OLA1: variants seen among roughly 807,000 people sequenced by gnomAD.
OLA1 encodes obg-like ATPase 1.
A neutral mutation model predicts 48.4 loss-of-function variants in OLA1; 14 were observed. That is an observed-to-expected ratio of 0.29 (90% CI 0.19 to 0.45). The LOEUF (loss-of-function observed/expected upper bound fraction) is 0.45. Among genes scored for constraint, OLA1 ranks in the 20% least tolerant of loss-of-function variants. The probability of loss-of-function intolerance (pLI) is 1.00; values close to 1 mark genes in which losing one functional copy is unlikely to be tolerated. For synonymous variants in OLA1, 127 were observed against 150.4 expected (o/e 0.84, Z 1.14); for missense variants, 325 against 467.1 (o/e 0.70, Z 2.80).
In OLA1 at chr2:174,075,255, G is replaced by C. The variant is rs974423286; in HGVS notation, c.*171C>G. ...ACATTTAGTGAACCTGCATTTCATGGGGGGGGGGGGGTACACAGTATTTTA... is the reference window on the plus strand; with the variant it reads ...ACATTTAGTGAACCTGCATTTCATGCGGGGGGGGGGGTACACAGTATTTTA... On this transcript the variant is annotated 3_prime_UTR_variant, in exon 11 of 11. Transcript: ENST00000284719. The C allele has an allele frequency of 2.7e-6, 1 of 377,038 alleles. No individual in the cohort carries two copies. The highest frequency in any genetic ancestry group is 2.7e-5 in the African/African-American group (1 of 37,084). The allele number at this position is 377,038 out of a possible 1,614,324, so 23.4% of individuals were successfully genotyped here. A position where few individuals can be genotyped will look rare whatever the true frequency, so the allele number is the denominator to read the frequency against.
At chr2:174,168,620 T>C (rs1311801382) in intron 4 of OLA1, among the ~76,000 whole-genome samples, 1 of 151,716 alleles carries the variant, frequency 6.6e-6, no homozygotes, top group Non-Finnish European at 1.5e-5. Context: ...AAAAGTAAAT[T>C]ATGCACACAA....
At chr2:174,220,252 C>T (rs1459644011) in intron 4 of OLA1, among the ~76,000 whole-genome samples, 1 of 152,166 alleles carries the variant, frequency 6.6e-6, no homozygotes, top group Non-Finnish European at 1.5e-5. Context: ...TACTCCTCAT[C>T]ATTCATTCTA....
At chr2:174,242,509 GA>G (rs886830992) in intron 2 of OLA1, among the ~76,000 whole-genome samples, 6 of 152,182 alleles carry the variant, frequency 3.9e-5, no homozygotes, top group African/African-American at 1.4e-4. Context: ...CCTAGCTCTA[GA>G]CCATGAGGAT....
chr2:174,189,478 GC>G (rs1687729128), intron 4 of OLA1, among the ~76,000 whole-genome samples: 1 of 152,050 alleles, frequency 6.6e-6, no homozygotes, highest in African/African-American at 2.4e-5. Flanking sequence ...TAAGGGACAA[GC>G]AACTTGAACA....
intron 1 of OLA1, chr2:174,247,719 GTACGGCTCAT>G (rs373831930): frequency 7.7e-6 from 12 of 1,551,010 alleles, no homozygotes; most frequent in Middle Eastern, 1.7e-4. Context: ...GGCACTGAAG[GTACGGCTCAT>G]CAGTCCTCAT....
Position 174,144,941 on chromosome 2 carries a change from A to T in OLA1, c.374-2941T>A, listed in dbSNP as rs1234550652. ...AGTAAGACCCTGTTTAAAAAAAAAAAAAAAAAAAAAATATATATATATATA... is the reference window on the plus strand; with the variant it reads ...AGTAAGACCCTGTTTAAAAAAAAAATAAAAAAAAAAATATATATATATATA... On this transcript the variant is annotated intron_variant, in intron 4 of 10. Transcript: ENST00000284719. Among the ~76,000 whole-genome samples the T allele has an allele frequency of 9.3e-4, 60 of 64,268 alleles. No homozygotes were observed. In the South Asian group the frequency reaches 9.5e-3, roughly 10 times the overall value. 42.2% of individuals were successfully genotyped at this position (64,268 alleles called of 152,430 possible).
At chr2:174,185,513 C>T (rs1574536043) in intron 4 of OLA1, among the ~76,000 whole-genome samples, 4 of 152,044 alleles carry the variant, frequency 2.6e-5, no homozygotes, top group African/African-American at 9.7e-5. Context: ...TTCCTATGAG[C>T]ATTTTTTTTT....
chr2:174,246,493 T>C (rs1207356657), intron 2 of OLA1, among the ~76,000 whole-genome samples: 1 of 152,162 alleles, frequency 6.6e-6, no homozygotes, highest in African/African-American at 2.4e-5. Context: ...GCCTACTGCA[T>C]GGCCTCTGGT....
At chr2:174,088,569 C>T (rs929993090) in intron 7 of OLA1, among the ~76,000 whole-genome samples, 1 of 152,168 alleles carries the variant, frequency 6.6e-6, no homozygotes, top group Non-Finnish European at 1.5e-5. Flanking sequence ...AAATTCAACA[C>T]ATCTTTACTT....
chr2:174,193,298 C>T (rs1451421651), intron 4 of OLA1, among the ~76,000 whole-genome samples: 1 of 152,078 alleles, frequency 6.6e-6, no homozygotes, highest in African/African-American at 2.4e-5. Flanking sequence ...CCATGTTGAC[C>T]AGGCTGGTCT....
intron 2 of OLA1, among the ~76,000 whole-genome samples, chr2:174,234,145 A>G (rs1348361028): frequency 6.6e-6 from 1 of 152,118 alleles, no homozygotes; most frequent in African/African-American, 2.4e-5. Flanking sequence ...CAACCCACTC[A>G]ACATGAAGAC....
chr2:174,088,747 A>G (rs1192215922), intron 7 of OLA1, among the ~76,000 whole-genome samples: 2 of 152,184 alleles, frequency 1.3e-5, no homozygotes, highest in Non-Finnish European at 2.9e-5. Context: ...TTGGTGGTTC[A>G]TGCCTATAAT....
At chr2:174,156,936 C>T (rs1686899251) in intron 4 of OLA1, among the ~76,000 whole-genome samples, 1 of 150,984 alleles carries the variant, frequency 6.6e-6, no homozygotes, top group Non-Finnish European at 1.5e-5. Context: ...GATCTAATAG[C>T]TTGGAGAGAG....
intron 3 of OLA1, among the ~76,000 whole-genome samples, chr2:174,227,526 A>G (rs909659988): frequency 2.6e-5 from 4 of 152,218 alleles, no homozygotes; most frequent in East Asian, 3.9e-4. Flanking sequence ...AAAAGTTCTA[A>G]GAATCTGGGT....
chr2:174,105,021 G>A (rs1685484302), intron 7 of OLA1, among the ~76,000 whole-genome samples: 1 of 151,762 alleles, frequency 6.6e-6, no homozygotes, highest in Non-Finnish European at 1.5e-5. Flanking sequence ...CAAATCTACT[G>A]GAAATTTTTG....
chr2:174,094,743 G>C (rs377168816), intron 7 of OLA1, among the ~76,000 whole-genome samples: 2 of 152,264 alleles, frequency 1.3e-5, no homozygotes, highest in East Asian at 1.9e-4. Flanking sequence ...TATTTACATT[G>C]TTGTGCAACG....
At chr2:174,161,510 C>G (rs1416657779) in intron 4 of OLA1, among the ~76,000 whole-genome samples, 1 of 151,908 alleles carries the variant, frequency 6.6e-6, no homozygotes, top group African/African-American at 2.4e-5. Flanking sequence ...TGGTTCACGC[C>G]TATAATTAGC....
chr2:174,103,469 C>A (rs922582351), intron 7 of OLA1, among the ~76,000 whole-genome samples: 1 of 152,130 alleles, frequency 6.6e-6, no homozygotes, highest in African/African-American at 2.4e-5. Context: ...TGGTCCTAGA[C>A]AAAAATATCC....
rs566837179 is a variant in OLA1 at position 174,204,509 on chromosome 2, A to G, written c.373+18524T>C. Among the ~76,000 whole-genome samples the G allele has an allele frequency of 1.1e-3, 162 of 152,332 alleles. 1 individual carries two copies. Among genetic ancestry groups the G allele is most frequent in the Admixed American group, 5.9e-3 (91 of 15,304 alleles). On this transcript the variant is annotated intron_variant, in intron 4 of 10. Coordinates refer to ENST00000284719, the MANE Select transcript of OLA1 (RefSeq NM_013341.5). ...TCTTTGATTCATTAATTTATCTCCA[A>G]TAAATACTTTGTAAGGAAAAATTCA...
Sources: gnomAD v4.1 joint callset for allele counts (sites outside exome capture counted in the v4.1 genomes callset) on GRCh38, gnomAD v4.1.1 for gene constraint, MANE v1.5 for transcripts, NCBI Gene and HGNC (gene_info 2026-07-23, HGNC 2026-07-21) for gene names.